CFAP299: variants seen among roughly 807,000 people sequenced by gnomAD.
The protein encoded by CFAP299 is cilia- and flagella-associated protein 299.
A neutral mutation model predicts 27.0 loss-of-function variants in CFAP299; 21 were observed. That is an observed-to-expected ratio of 0.78 (90% CI 0.55 to 1.12). The LOEUF (loss-of-function observed/expected upper bound fraction) is 1.12, where lower values mean the gene tolerates loss of function less well. Among genes scored for constraint, CFAP299 ranks in the 50% most tolerant of loss-of-function variants. CFAP299 has a pLI of 0.00. For synonymous variants in CFAP299, 104 were observed against 98.1 expected, an observed-to-expected ratio of 1.06 and a Z score of -0.36; for missense variants, 310 against 276.6, an observed-to-expected ratio of 1.12 and a Z score of -0.86.
At chr4:80,814,878 T>C (rs1257001475) in intron 3 of CFAP299, among the ~76,000 whole-genome samples, 1 of 152,042 alleles carries the variant, frequency 6.6e-6, no homozygotes, top group Non-Finnish European at 1.5e-5. Context: ...AAAGTCTGCA[T>C]TGAAAATTCT....
chr4:80,813,369 A>T (rs778420880), intron 3 of CFAP299, among the ~76,000 whole-genome samples: 1 of 151,944 alleles, frequency 6.6e-6, no homozygotes, highest in Non-Finnish European at 1.5e-5. Flanking sequence ...GAAAAAAGGA[A>T]TTTTTTCTGG....
At chr4:80,625,788 G>A (rs1282489700) in intron 3 of CFAP299, among the ~76,000 whole-genome samples, 1 of 151,790 alleles carries the variant, frequency 6.6e-6, no homozygotes, top group African/African-American at 2.4e-5. Flanking sequence ...AAAAGAAAAA[G>A]TAACATAATT....
intron 3 of CFAP299, among the ~76,000 whole-genome samples, chr4:80,721,567 C>T (rs1227661814): frequency 1.3e-5 from 2 of 152,134 alleles, no homozygotes; most frequent in African/African-American, 2.4e-5. Context: ...AGTACTCTAT[C>T]TCTAAATACA....
At chr4:80,873,100 A>T in intron 4 of CFAP299, 1 of 750,482 alleles carries the variant, frequency 1.3e-6, no homozygotes, top group Non-Finnish European at 1.6e-6. Flanking sequence ...TTTTGATTTT[A>T]TATCTTTAAC....
At chr4:80,958,465 G>C (rs1403753076) in intron 5 of CFAP299, among the ~76,000 whole-genome samples, 1 of 152,126 alleles carries the variant, frequency 6.6e-6, no homozygotes, top group African/African-American at 2.4e-5. Context: ...AAGAATTTCT[G>C]AGTCCTAGAG....
chr4:80,339,055 G>A (rs1182104452), intron 1 of CFAP299, among the ~76,000 whole-genome samples: 2 of 152,182 alleles, frequency 1.3e-5, no homozygotes, highest in Non-Finnish European at 2.9e-5. Context: ...GAAGTGGTTA[G>A]ATAATTTATT....
intron 2 of CFAP299, among the ~76,000 whole-genome samples, chr4:80,535,868 A>T (rs987946792): frequency 2.6e-5 from 4 of 152,186 alleles, no homozygotes; most frequent in African/African-American, 9.7e-5. Context: ...TCAGTTGGCC[A>T]CCTCTAGAGT....
intron 3 of CFAP299, among the ~76,000 whole-genome samples, chr4:80,771,923 C>A (rs1023596271): frequency 2.0e-5 from 3 of 152,232 alleles, no homozygotes; most frequent in South Asian, 2.1e-4. Context: ...CTTTGCTGAA[C>A]GATGACAGAC....
At chr4:80,924,514 A>G (rs1208354860) in intron 4 of CFAP299, among the ~76,000 whole-genome samples, 4 of 137,510 alleles carry the variant, frequency 2.9e-5, no homozygotes, top group African/African-American at 1.1e-4. Flanking sequence ...ACAATTCATT[A>G]TGTGTGTGTG....
At chr4:80,656,264 T>C (rs1031595404) in intron 3 of CFAP299, among the ~76,000 whole-genome samples, 2 of 152,166 alleles carry the variant, frequency 1.3e-5, no homozygotes, top group Non-Finnish European at 2.9e-5. Context: ...CTGGGATACA[T>C]GTGCAGAACA....
At chr4:80,593,595 TC>T (rs1265106845) in intron 3 of CFAP299, among the ~76,000 whole-genome samples, 1 of 152,218 alleles carries the variant, frequency 6.6e-6, no homozygotes, top group Non-Finnish European at 1.5e-5. Flanking sequence ...ATTGGTCTTC[TC>T]TTTTTTTCCT....
At chr4:80,480,237 A>G (rs1463340612) in intron 2 of CFAP299, among the ~76,000 whole-genome samples, 1 of 151,718 alleles carries the variant, frequency 6.6e-6, no homozygotes, top group Admixed American at 6.6e-5. Context: ...GTTATTGTTT[A>G]TGGTGTTAAA....
At chr4:80,535,553 G>C (rs1054605102) in intron 2 of CFAP299, among the ~76,000 whole-genome samples, 3 of 145,514 alleles carry the variant, frequency 2.1e-5, no homozygotes, top group Non-Finnish European at 4.5e-5. Context: ...TCACTCTCTA[G>C]CCATGTTTCT....
At chr4:80,800,497 T>TC (rs372736434) in intron 3 of CFAP299, among the ~76,000 whole-genome samples, 3,212 of 6,090 alleles carry the variant, frequency 0.53, 574 homozygotes, top group Middle Eastern at 1. Flanking sequence ...ATATAATATA[T>TC]AATATATTAT....
chr4:80,792,957 C>G (rs1306004691), intron 3 of CFAP299, among the ~76,000 whole-genome samples: 4 of 152,042 alleles, frequency 2.6e-5, no homozygotes, highest in Non-Finnish European at 5.9e-5. Context: ...TGAGGGACAT[C>G]TATTTCTTGT....
chr4:80,673,220 C>T (rs1741607199), intron 3 of CFAP299, among the ~76,000 whole-genome samples: 1 of 152,164 alleles, frequency 6.6e-6, no homozygotes, highest in South Asian at 2.1e-4. Flanking sequence ...TCTTTGTTCT[C>T]ATTGGTTTCA....
intron 2 of CFAP299, among the ~76,000 whole-genome samples, chr4:80,520,606 C>A (rs1409576018): frequency 6.6e-6 from 1 of 152,148 alleles, no homozygotes; most frequent in African/African-American, 2.4e-5. Context: ...AAGTTCCCAA[C>A]GTATTGAGGC....
At chr4:80,560,277 TG>T (rs952850260) in intron 2 of CFAP299, among the ~76,000 whole-genome samples, 1 of 151,872 alleles carries the variant, frequency 6.6e-6, no homozygotes, top group African/African-American at 2.4e-5. Flanking sequence ...ACCTGCTAAC[TG>T]AAGAGCCCCT....
At chr4:80,777,374 T>G (rs1726610886) in intron 3 of CFAP299, among the ~76,000 whole-genome samples, 1 of 152,120 alleles carries the variant, frequency 6.6e-6, no homozygotes, top group Admixed American at 6.6e-5. Flanking sequence ...GACATTGGAT[T>G]GTTTGACACT....
Sources: gnomAD v4.1 joint callset for allele counts (sites outside exome capture counted in the v4.1 genomes callset) on GRCh38, gnomAD v4.1.1 for gene constraint, MANE v1.5 for transcripts, NCBI Gene and HGNC (gene_info 2026-07-23, HGNC 2026-07-21) for gene names.